Variants in SUMF1 observed in about 807,000 individuals in gnomAD.
SUMF1 encodes formylglycine-generating enzyme.
SUMF1 carries 48 observed loss-of-function variants against 47.6 expected under a neutral mutation model. The observed-to-expected ratio is 1.01, with a 90% CI of 0.80 to 1.28. SUMF1 has a LOEUF of 1.28. Among genes scored for constraint, SUMF1 ranks in the 50% most tolerant of loss-of-function variants. The pLI is 0.00. For synonymous variants in SUMF1, 230 were observed against 192.1 expected, an observed-to-expected ratio of 1.20 and a Z score of -1.63; for missense variants, 571 against 485.4, an observed-to-expected ratio of 1.18 and a Z score of -1.66.
intron 8 of SUMF1, among the ~76,000 whole-genome samples, chr3:4,279,032 C>A (rs926052010): frequency 3.3e-5 from 5 of 151,992 alleles, no homozygotes; most frequent in Non-Finnish European, 7.4e-5. Context: ...CTGTATTTTA[C>A]AAAAGTATTG....
intron 8 of SUMF1, among the ~76,000 whole-genome samples, chr3:4,336,464 C>T (rs183408290): frequency 2.1e-4 from 32 of 152,168 alleles, no homozygotes; most frequent in Non-Finnish European, 3.4e-4. Context: ...GGCTATGACA[C>T]GGGTTGTGAA....
intron 9 of SUMF1, among the ~76,000 whole-genome samples, chr3:4,062,820 T>C (rs943042389): frequency 3.9e-5 from 6 of 152,138 alleles, no homozygotes; most frequent in Non-Finnish European, 5.9e-5. Flanking sequence ...TAGTTACTTA[T>C]ACATTTTTGG....
chr3:4,194,625 GT>G (rs1349597806), intron 8 of SUMF1, among the ~76,000 whole-genome samples: 1 of 152,154 alleles, frequency 6.6e-6, no homozygotes, highest in Non-Finnish European at 1.5e-5. Context: ...AACTTTTCAA[GT>G]TGTGGTGAGA....
chr3:4,301,692 G>A (rs1166870631), intron 8 of SUMF1, among the ~76,000 whole-genome samples: 1 of 152,186 alleles, frequency 6.6e-6, no homozygotes, highest in Non-Finnish European at 1.5e-5. Flanking sequence ...TAGTGGCTCT[G>A]TAGATCACAA....
intron 8 of SUMF1, among the ~76,000 whole-genome samples, chr3:4,212,415 A>T (rs190434898): frequency 9.9e-5 from 15 of 152,238 alleles, no homozygotes; most frequent in Admixed American, 9.8e-4. Flanking sequence ...ACGGTCACCA[A>T]CATCAAAGAC....
intron 8 of SUMF1, among the ~76,000 whole-genome samples, chr3:4,119,917 A>G (rs1470018908): frequency 6.6e-6 from 1 of 152,122 alleles, no homozygotes. Context: ...AAAAGTTGCA[A>G]TATTGTTACA....
chr3:4,124,158 G>C (rs1693605036), intron 8 of SUMF1, among the ~76,000 whole-genome samples: 1 of 151,978 alleles, frequency 6.6e-6, no homozygotes. Context: ...TCATTTATAA[G>C]CAAATTAGCT....
intron 8 of SUMF1, among the ~76,000 whole-genome samples, chr3:4,308,589 C>G (rs1259752625): frequency 6.6e-6 from 1 of 152,138 alleles, no homozygotes; most frequent in Non-Finnish European, 1.5e-5. Flanking sequence ...TGTCTTATAG[C>G]TACTAATCTG....
chr3:4,342,010 T>TTA (rs2125142100), intron 8 of SUMF1, among the ~76,000 whole-genome samples: 1 of 152,300 alleles, frequency 6.6e-6, no homozygotes, highest in East Asian at 1.9e-4. Context: ...CTTACAGAGA[T>TTA]TATGGGACAT....
chr3:4,240,287 A>G (rs1465975057), intron 8 of SUMF1, among the ~76,000 whole-genome samples: 2 of 152,180 alleles, frequency 1.3e-5, no homozygotes, highest in Non-Finnish European at 2.9e-5. Flanking sequence ...GCCTCATAAA[A>G]TAAGTTAGGG....
intron 8 of SUMF1, among the ~76,000 whole-genome samples, chr3:4,081,524 G>C (rs1692559346): frequency 6.6e-6 from 1 of 152,046 alleles, no homozygotes; most frequent in South Asian, 2.1e-4. Context: ...AGTTATTTAG[G>C]TCTTAAGGAG....
chr3:4,327,221 T>G (rs1698964315), intron 8 of SUMF1, among the ~76,000 whole-genome samples: 1 of 152,210 alleles, frequency 6.6e-6, no homozygotes. Flanking sequence ...TTCAGTCCCA[T>G]GCAATTAACT....
intron 8 of SUMF1, among the ~76,000 whole-genome samples, chr3:4,223,288 AATGTAAACTTG>A (rs539667656): frequency 1.3e-5 from 2 of 152,214 alleles, no homozygotes; most frequent in South Asian, 4.1e-4. Flanking sequence ...TTCAAGTTTG[AATGTAAACTTG>A]ATTTCTTACC....
At chr3:4,460,304 T>C (rs941206005) in intron 1 of SUMF1, among the ~76,000 whole-genome samples, 1 of 152,220 alleles carries the variant, frequency 6.6e-6, no homozygotes, top group African/African-American at 2.4e-5. Context: ...TATACTCTTC[T>C]ATATGTTTTT....
chr3:4,063,171 T>C (rs1263497580), intron 9 of SUMF1, among the ~76,000 whole-genome samples: 1 of 152,082 alleles, frequency 6.6e-6, no homozygotes. Flanking sequence ...TACCTACCAG[T>C]AGAGCGTTCA....
intron 8 of SUMF1, among the ~76,000 whole-genome samples, chr3:4,262,064 TC>T (rs1697098323): frequency 6.6e-6 from 1 of 152,148 alleles, no homozygotes; most frequent in Non-Finnish European, 1.5e-5. Flanking sequence ...TCTCTGATAT[TC>T]TCTGTGCACT....
At chr3:4,342,333 G>A (rs1051085224) in intron 8 of SUMF1, among the ~76,000 whole-genome samples, 2 of 152,190 alleles carry the variant, frequency 1.3e-5, no homozygotes, top group East Asian at 1.9e-4. Context: ...AGGAGTTCGA[G>A]ACCAGGCTGA....
At chr3:4,172,480 T>G (rs1338288491) in intron 8 of SUMF1, among the ~76,000 whole-genome samples, 1 of 152,174 alleles carries the variant, frequency 6.6e-6, no homozygotes, top group Non-Finnish European at 1.5e-5. Context: ...GAACTTTCCT[T>G]ATACAACTCA....
At chr3:4,276,495 A>G (rs1697420153) in intron 8 of SUMF1, among the ~76,000 whole-genome samples, 1 of 152,178 alleles carries the variant, frequency 6.6e-6, no homozygotes, top group Non-Finnish European at 1.5e-5. Context: ...TATTTCTTTG[A>G]AAATCATTTG....
Sources: allele counts gnomAD v4.1 joint callset (sites outside exome capture counted in the v4.1 genomes callset), GRCh38; gene constraint gnomAD v4.1.1; transcripts MANE v1.5; gene names NCBI Gene and HGNC (gene_info 2026-07-23, HGNC 2026-07-21).